CDK6: variants seen among roughly 807,000 people sequenced by gnomAD.
CDK6 encodes the protein cyclin-dependent kinase 6.
CDK6 carries 6 observed loss-of-function variants against 37.1 expected under a neutral mutation model. The ratio of observed to expected loss-of-function variants is 0.16; its 90% CI spans 0.09 to 0.32. CDK6 has a LOEUF of 0.32. CDK6 is among the 10% of genes least tolerant of loss of function. The pLI is 1.00. For synonymous variants in CDK6, 160 were observed against 161.3 expected, an observed-to-expected ratio of 0.99 and a Z score of 0.06; for missense variants, 224 against 418.9, an observed-to-expected ratio of 0.53 and a Z score of 4.06.
intron 2 of CDK6, among the ~76,000 whole-genome samples, chr7:92,825,469 C>G (rs1439265382): frequency 6.6e-6 from 1 of 152,018 alleles, no homozygotes; most frequent in Non-Finnish European, 1.5e-5. Context: ...TGCACACACA[C>G]ACACACACAC....
chr7:92,735,165 T>G (rs889434001), intron 3 of CDK6, among the ~76,000 whole-genome samples: 1 of 152,244 alleles, frequency 6.6e-6, no homozygotes, highest in Admixed American at 6.5e-5. Context: ...TACTCCAGTG[T>G]TACTAAGTTC....
intron 2 of CDK6, among the ~76,000 whole-genome samples, chr7:92,780,123 C>A (rs922488079): frequency 3.3e-5 from 5 of 152,142 alleles, no homozygotes; most frequent in Non-Finnish European, 4.4e-5. Flanking sequence ...CAGGCATGCA[C>A]CATCATGCCT....
At chr7:92,803,575 G>A (rs1294862487) in intron 2 of CDK6, among the ~76,000 whole-genome samples, 1 of 152,204 alleles carries the variant, frequency 6.6e-6, no homozygotes, top group Non-Finnish European at 1.5e-5. Flanking sequence ...AGAGGACAGT[G>A]TGGGACATGA....
intron 5 of CDK6, among the ~76,000 whole-genome samples, chr7:92,629,244 A>G (rs1393070191): frequency 6.6e-6 from 1 of 152,084 alleles, no homozygotes; most frequent in Non-Finnish European, 1.5e-5. Flanking sequence ...CAAGTTAGAG[A>G]GTGTGCTGGC....
intron 2 of CDK6, among the ~76,000 whole-genome samples, chr7:92,811,758 T>C (rs1800891373): frequency 6.6e-6 from 1 of 152,170 alleles, no homozygotes; most frequent in Non-Finnish European, 1.5e-5. Context: ...TTTGAAGATT[T>C]TGTCAAGTTC....
At chr7:92,804,027 CCT>C (rs1800659152) in intron 2 of CDK6, among the ~76,000 whole-genome samples, 1 of 152,104 alleles carries the variant, frequency 6.6e-6, no homozygotes, top group Non-Finnish European at 1.5e-5. Flanking sequence ...CATTTGATCA[CCT>C]CATATAGATT....
At chr7:92,727,599 C>T (rs1271340072) in intron 3 of CDK6, among the ~76,000 whole-genome samples, 1 of 152,100 alleles carries the variant, frequency 6.6e-6, no homozygotes, top group East Asian at 1.9e-4. Context: ...CTGGGGGAGA[C>T]TGATTCACAA....
intron 3 of CDK6, among the ~76,000 whole-genome samples, chr7:92,760,818 T>G (rs1349044212): frequency 6.6e-6 from 1 of 152,144 alleles, no homozygotes; most frequent in East Asian, 1.9e-4. Flanking sequence ...TCTTCAACAA[T>G]ATGAGATTTT....
intron 5 of CDK6, among the ~76,000 whole-genome samples, chr7:92,669,917 G>C (rs1201918302): frequency 6.6e-6 from 1 of 152,226 alleles, no homozygotes; most frequent in Non-Finnish European, 1.5e-5. Context: ...CAATAGGTCT[G>C]GGGTGGGGCC....
At chr7:92,721,250 T>C (rs1297411030) in intron 4 of CDK6, among the ~76,000 whole-genome samples, 3 of 152,142 alleles carry the variant, frequency 2.0e-5, no homozygotes, top group Non-Finnish European at 4.4e-5. Context: ...AACACACAAG[T>C]GGCAAAATCC....
intron 3 of CDK6, among the ~76,000 whole-genome samples, chr7:92,758,048 C>T (rs1004975285): frequency 3.9e-5 from 6 of 152,024 alleles, no homozygotes; most frequent in Admixed American, 3.3e-4. Flanking sequence ...GGATATTATA[C>T]CTTTGTCAGA....
At chr7:92,802,660 T>C (rs1800612066) in intron 2 of CDK6, among the ~76,000 whole-genome samples, 1 of 152,234 alleles carries the variant, frequency 6.6e-6, no homozygotes, top group Non-Finnish European at 1.5e-5. Flanking sequence ...GTTTACAATA[T>C]ATGATCATTT....
rs1285248791 is a variant in CDK6 at position 92,834,679 on chromosome 7, T to TG, written c.-367-990dup. ...AAAACTCAACCTCCCTTTCAAAGGG[T>TG]GGGGGGTGGGGGGTTAAATCCTGCG... On this transcript the variant is annotated intron_variant, in intron 1 of 7. Transcript: ENST00000424848. The surrounding 1 kb of genome is among the most constrained non-coding windows in gnomAD (Gnocchi z 4.6). Among the ~76,000 whole-genome samples the TG allele has an allele frequency of 9.1e-6, 1 of 110,266 alleles. No homozygotes were observed. The highest frequency in any genetic ancestry group is 1.9e-5 in the Non-Finnish European group (1 of 53,588). 72.3% of individuals were successfully genotyped at this position (110,266 alleles called of 152,430 possible).
At chr7:92,627,114 T>C (rs543617408) in intron 5 of CDK6, among the ~76,000 whole-genome samples, 1 of 152,078 alleles carries the variant, frequency 6.6e-6, no homozygotes, top group South Asian at 2.1e-4. Context: ...GGACTTACAA[T>C]GGAATATCAC....
rs537288397 is a variant in CDK6, at chr7:92,675,832, A to T, written c.538-4297T>A. ...AATGATAAAGGATTTTCCTACGAAC[A>T]TTCTTAATCTAGATTTAAAAATGTA... On this transcript the variant is annotated intron_variant, in intron 4 of 7. Transcript: ENST00000424848. Among the ~76,000 whole-genome samples the T allele has an allele frequency of 2.0e-5, 3 of 152,266 alleles. No homozygotes were observed. In the South Asian group the frequency reaches 6.2e-4, roughly 32 times the overall value.
At chr7:92,806,386 G>C (rs532647505) in intron 2 of CDK6, among the ~76,000 whole-genome samples, 5 of 152,112 alleles carry the variant, frequency 3.3e-5, no homozygotes, top group Non-Finnish European at 7.4e-5. Context: ...CTTTTGTTTT[G>C]TCAGTGATTC....
chr7:92,725,220 C>A (rs1679000037), intron 4 of CDK6: 1 of 985,398 alleles, frequency 1.0e-6, no homozygotes, highest in Non-Finnish European at 1.2e-6. Context: ...CCTGTGTAGG[C>A]ACTCTGTTTC....
At chr7:92,615,445 C>T (rs1795656118) in intron 7 of CDK6, among the ~76,000 whole-genome samples, 159 bp from the exon 8 acceptor site, 1 of 152,190 alleles carries the variant, frequency 6.6e-6, no homozygotes, top group African/African-American at 2.4e-5. Flanking sequence ...AGACAGTACT[C>T]ATATATATCC....
chr7:92,605,097 A>G lies in CDK6; in HGVS notation c.*10043T>C, dbSNP rs1795396788. Reference sequence around the variant, plus strand: ...TTTTATTGTAAGAAATACAAAAGGTATTACAAATATACAAACTATTTGCTC... The same window carrying G: ...TTTTATTGTAAGAAATACAAAAGGTGTTACAAATATACAAACTATTTGCTC... On this transcript the variant is annotated 3_prime_UTR_variant, in exon 8 of 8. Transcript: ENST00000424848. 1.3e-5 allele frequency: 3 copies of G among 232,136 alleles called. No homozygotes were observed. In the East Asian group the frequency reaches 1.8e-4, roughly 14 times the overall value. 14.4% of individuals were successfully genotyped at this position (232,136 alleles called of 1,614,324 possible).
Sources: gnomAD v4.1 joint callset for allele counts (sites outside exome capture counted in the v4.1 genomes callset) on GRCh38, gnomAD v4.1.1 for gene constraint, Gnocchi (gnomAD v3.1) non-coding constraint, MANE v1.5 for transcripts, NCBI Gene and HGNC (gene_info 2026-07-23, HGNC 2026-07-21) for gene names.